IMPACT: variants seen among roughly 807,000 people sequenced by gnomAD.
IMPACT encodes protein IMPACT.
In IMPACT, 35 loss-of-function variants were observed where a neutral mutation model predicts 47.5. The observed-to-expected ratio is 0.74, with a 90% CI of 0.56 to 0.98. The LOEUF is 0.98. Ranked by LOEUF, IMPACT falls within the 50% of genes least tolerant of loss-of-function variation. The pLI, the probability that IMPACT is intolerant of heterozygous loss-of-function variation, is 0.00. For missense variants in IMPACT, 373 were observed against 394.8 expected (o/e 0.94, Z 0.47); for synonymous variants, 118 against 125.6 (o/e 0.94, Z 0.40).
chr18:24,443,178 T>G, intron 7 of IMPACT, 26 bp downstream of exon 7: 3 of 1,080,632 alleles, frequency 2.8e-6, no homozygotes, highest in Non-Finnish European at 4.2e-6. Flanking sequence ...CTAGCTCACT[T>G]TGATGATTAC....
intron 7 of IMPACT, among the ~76,000 whole-genome samples, chr18:24,444,212 A>G (rs750391640): frequency 1.1e-4 from 16 of 152,116 alleles, no homozygotes; most frequent in Admixed American, 2.6e-4. Flanking sequence ...CTAATTCTGA[A>G]TCTGTTTATT....
At chr18:24,440,832 TC>T (rs923699691) in intron 6 of IMPACT, among the ~76,000 whole-genome samples, 8 of 152,222 alleles carry the variant, frequency 5.3e-5, no homozygotes, top group African/African-American at 1.9e-4. Context: ...TTTACTCTTT[TC>T]CCCCTACTTT....
At chr18:24,434,747 G>C (rs1908858450) in intron 4 of IMPACT, among the ~76,000 whole-genome samples, 1 of 109,238 alleles carries the variant, frequency 9.2e-6, no homozygotes, top group Non-Finnish European at 1.8e-5. Context: ...TGGGCAACAA[G>C]AGCAAAACTC....
intron 8 of IMPACT, among the ~76,000 whole-genome samples, chr18:24,447,660 T>G (rs1786664): frequency 1.3e-5 from 2 of 152,220 alleles, no homozygotes; most frequent in Non-Finnish European, 2.9e-5. Context: ...ATATGCTTTT[T>G]GTTTCACTAC....
chr18:24,439,093 G>A (rs1265490204), intron 5 of IMPACT, among the ~76,000 whole-genome samples: 2 of 152,178 alleles, frequency 1.3e-5, no homozygotes, highest in African/African-American at 4.8e-5. Flanking sequence ...GGGGAGGTCA[G>A]TCTTTTAATG....
At chr18:24,447,849 G>A (rs1402429412) in intron 8 of IMPACT, among the ~76,000 whole-genome samples, 5 of 152,068 alleles carry the variant, frequency 3.3e-5, no homozygotes, top group Non-Finnish European at 5.9e-5. Flanking sequence ...TCCCATAATA[G>A]CAACATTTCT....
chr18:24,442,863 A>G (rs557745991), intron 6 of IMPACT, among the ~76,000 whole-genome samples, 186 bp from the exon 7 acceptor site: 3 of 152,324 alleles, frequency 2.0e-5, no homozygotes, highest in Non-Finnish European at 4.4e-5. Flanking sequence ...CTTATGTACA[A>G]TATAGTTAGA....
chr18:24,426,913 A>G (rs2144327516), intron 1 of IMPACT, 121 bp downstream of exon 1: 1 of 647,198 alleles, frequency 1.5e-6, no homozygotes, highest in South Asian at 7.8e-5. Flanking sequence ...AGCACTGGCC[A>G]CGCCATTTGC....
At chr18:24,433,199 T>TA (rs1249638625) in intron 4 of IMPACT, among the ~76,000 whole-genome samples, 2 of 136,424 alleles carry the variant, frequency 1.5e-5, no homozygotes, top group Non-Finnish European at 3.2e-5. Context: ...TTTTTTTTTT[T>TA]TTTTTTTTTT....
intron 7 of IMPACT, among the ~76,000 whole-genome samples, chr18:24,444,866 A>G (rs1909208019): frequency 6.6e-6 from 1 of 152,198 alleles, no homozygotes; most frequent in Non-Finnish European, 1.5e-5. Flanking sequence ...TATTTTGCAT[A>G]TAGCCCTATT....
At position 24,448,079 on chromosome 18, in the gene IMPACT, A is replaced by G; in HGVS notation, c.669-14A>G. On this transcript the variant is annotated splice_polypyrimidine_tract_variant and intron_variant, in intron 8 of 10. Transcript: ENST00000284202. ...TTTAGTTTCAAAGTGTAATACTCTTACATGTATTTGCAGAATATATTGTGA... is the reference window on the plus strand; with the variant it reads ...TTTAGTTTCAAAGTGTAATACTCTTGCATGTATTTGCAGAATATATTGTGA... 1 of 1,507,652 alleles carries G rather than the reference A, an allele frequency of 6.6e-7. No individual in the cohort carries two copies. The highest frequency in any genetic ancestry group is 9.2e-7 in the Non-Finnish European group (1 of 1,083,784). 93.4% of individuals were successfully genotyped at this position (1,507,652 alleles called of 1,614,324 possible).
At chr18:24,430,625 A>C (rs571311963) in intron 4 of IMPACT, among the ~76,000 whole-genome samples, 2 of 152,316 alleles carry the variant, frequency 1.3e-5, no homozygotes, top group Non-Finnish European at 2.9e-5. Flanking sequence ...TGTAAAAAAC[A>C]CTTAGGCATA....
intron 4 of IMPACT, among the ~76,000 whole-genome samples, chr18:24,437,154 G>T (rs1908969768): frequency 6.6e-6 from 1 of 152,142 alleles, no homozygotes; most frequent in Non-Finnish European, 1.5e-5. Flanking sequence ...ACTTTTAGAG[G>T]AAGGAGGTGA....
intron 6 of IMPACT, among the ~76,000 whole-genome samples, chr18:24,441,309 C>T (rs1407548201): frequency 7.2e-5 from 11 of 152,204 alleles, no homozygotes. Context: ...TCTCCTGCCT[C>T]AGCCTCCTAC....
chr18:24,447,702 CACTT>C (rs1428405095), intron 8 of IMPACT, among the ~76,000 whole-genome samples: 1 of 151,986 alleles, frequency 6.6e-6, no homozygotes, highest in Non-Finnish European at 1.5e-5. Flanking sequence ...AGATGCATGC[CACTT>C]ACTTCCTTTA....
chr18:24,434,602 A>G (rs1259790187), intron 4 of IMPACT, among the ~76,000 whole-genome samples: 2 of 151,668 alleles, frequency 1.3e-5, no homozygotes, highest in Non-Finnish European at 1.5e-5. Context: ...GAGAAACCCC[A>G]TCTCTACAAA....
chr18:24,433,263 A>G (rs1908809094), intron 4 of IMPACT, among the ~76,000 whole-genome samples: 2 of 130,586 alleles, frequency 1.5e-5, no homozygotes, highest in African/African-American at 2.8e-5. Context: ...GCAGTGGCGC[A>G]ATCTCGGCTC....
chr18:24,437,209 A>G (rs185036299), intron 4 of IMPACT, among the ~76,000 whole-genome samples: 10 of 152,342 alleles, frequency 6.6e-5, no homozygotes, highest in African/African-American at 2.2e-4. Flanking sequence ...AACACATACC[A>G]TACTTACTAC....
Position 24,426,802 on chromosome 18 carries a change from C to G in IMPACT, c.36+10C>G, listed in dbSNP as rs899119514. On this transcript the variant is annotated intron_variant, in intron 1 of 10. Coordinates refer to ENST00000284202, the MANE Select transcript of IMPACT (RefSeq NM_018439.4). ...GAGCGACCAGAGGCAGGTGAGGCCC[C>G]GGCGGGGTGCTGTCTCTCCAGGCTC... 9 of 1,238,220 alleles carry G rather than the reference C, an allele frequency of 7.3e-6. No homozygotes were observed. Among genetic ancestry groups the G allele is most frequent in the African/African-American group, 1.6e-5 (1 of 64,502 alleles). 76.7% of individuals were successfully genotyped at this position (1,238,220 alleles called of 1,614,324 possible). A position where few individuals can be genotyped will look rare whatever the true frequency, so the allele number is the denominator to read the frequency against.
Sources: gnomAD v4.1 joint callset for allele counts (sites outside exome capture counted in the v4.1 genomes callset) on GRCh38, gnomAD v4.1.1 for gene constraint, MANE v1.5 for transcripts, NCBI Gene and HGNC (gene_info 2026-07-23, HGNC 2026-07-21) for gene names.